The following PCNX2 variants were observed in gnomAD, a reference collection of about 807,000 sequenced individuals.
PCNX2 encodes the protein pecanex 2.
A neutral mutation model predicts 223.8 loss-of-function variants in PCNX2; 168 were observed. That is an observed-to-expected ratio of 0.75 (90% CI 0.66 to 0.85). The LOEUF (loss-of-function observed/expected upper bound fraction) is 0.85. Among genes scored for constraint, PCNX2 ranks in the 40% least tolerant of loss-of-function variants. PCNX2 has a pLI of 0.00. For synonymous variants in PCNX2, 1,006 were observed against 1,052.6 expected (o/e 0.96, Z 0.86); for missense variants, 2,507 against 2,675.5 (o/e 0.94, Z 1.39).
intron 1 of PCNX2, among the ~76,000 whole-genome samples, chr1:233,274,615 A>T: frequency 6.6e-6 from 1 of 152,214 alleles, no homozygotes; most frequent in Non-Finnish European, 1.5e-5. Flanking sequence ...GGTGTGCCTA[A>T]ATCAGACTGA....
chr1:233,311,258 AAAGAGCC>A, the PCNX2 span, among the ~76,000 whole-genome samples: 3 of 152,342 alleles, frequency 2.0e-5, no homozygotes, highest in South Asian at 6.2e-4. Flanking sequence ...ATAAAACCTA[AAAGAGCC>A]AACATTGCCT....
chr1:233,297,575 A>G (rs1052093514), upstream of PCNX2, among the ~76,000 whole-genome samples: 4 of 152,226 alleles, frequency 2.6e-5, no homozygotes, highest in African/African-American at 9.6e-5. Context: ...TGTAAGTGGG[A>G]ATAGTTCTCC....
chr1:233,262,854 C>A, intron 2 of PCNX2, 104 bp downstream of exon 2: 1 of 1,014,528 alleles, frequency 9.9e-7, no homozygotes, highest in Non-Finnish European at 1.5e-6. Flanking sequence ...GCATATATTT[C>A]TGTCTGCCTA....
chr1:233,014,808 A>T (rs1195249818), intron 27 of PCNX2, 31 bp from the exon 28 acceptor site: 1 of 1,551,532 alleles, frequency 6.4e-7, no homozygotes, highest in Non-Finnish European at 8.9e-7. Context: ...CTCAGCTTTC[A>T]CACAGATTCC....
At chr1:233,108,005 C>A (rs576007024) in intron 21 of PCNX2, among the ~76,000 whole-genome samples, 13 of 152,184 alleles carry the variant, frequency 8.5e-5, no homozygotes, top group African/African-American at 3.1e-4. Flanking sequence ...CTCCCACCAG[C>A]GCCGTGACAG....
the PCNX2 span, among the ~76,000 whole-genome samples, chr1:233,321,237 G>A: frequency 6.6e-6 from 1 of 151,782 alleles, no homozygotes; most frequent in Admixed American, 6.6e-5. Context: ...TAAAAATGGT[G>A]TTCCATTAAA....
chr1:233,047,901 G>T (rs1354465920), intron 25 of PCNX2, among the ~76,000 whole-genome samples: 1 of 151,996 alleles, frequency 6.6e-6, no homozygotes, highest in Non-Finnish European at 1.5e-5. Flanking sequence ...ATCAACCACA[G>T]AATATACATT....
intron 16 of PCNX2, 98 bp downstream of exon 16, chr1:233,178,968 G>T (rs929305396): frequency 4.0e-6 from 4 of 993,038 alleles, no homozygotes; most frequent in Non-Finnish European, 6.0e-6. Context: ...ATCACAATGG[G>T]CAGTGAATTG....
At chr1:233,291,344 T>A (rs116103656) in intron 1 of PCNX2, among the ~76,000 whole-genome samples, 2,951 of 152,256 alleles carry the variant, frequency 0.019, 42 homozygotes, top group Admixed American at 0.038. Context: ...GCATGGTGGC[T>A]CACGCCTGTA....
At chr1:233,112,963 C>T (rs1226186021) in intron 21 of PCNX2, 9 of 1,289,138 alleles carry the variant, frequency 7.0e-6, no homozygotes, top group Middle Eastern at 2.1e-4. Flanking sequence ...GTGTGGGTGC[C>T]GTCCTAGGGA....
At chr1:233,141,799 G>A (rs74230956) in intron 19 of PCNX2, among the ~76,000 whole-genome samples, 27,623 of 150,304 alleles carry the variant, frequency 0.18, 3,002 homozygotes, top group East Asian at 0.42. Context: ...GTGTGTGTGT[G>A]TATATGAAGA....
intron 1 of PCNX2, among the ~76,000 whole-genome samples, chr1:233,282,757 G>C (rs1661254184): frequency 6.6e-6 from 1 of 152,128 alleles, no homozygotes; most frequent in Non-Finnish European, 1.5e-5. Context: ...CCAGCACTCA[G>C]AGAAACCTTT....
At position 233,258,944 on chromosome 1, in the gene PCNX2, G is replaced by C. The variant is rs755112664; in HGVS notation, c.918C>G (p.Asp306Glu). 5.0e-6 allele frequency: 8 copies of C among 1,613,862 alleles called. No homozygotes were observed. The highest frequency in any genetic ancestry group is 6.8e-6 in the Non-Finnish European group (8 of 1,179,896). The change falls in exon 5 of 34, where the codon GAC becomes GAG. Residue 306 changes from aspartate (D) to glutamate (E), a missense_variant. Asp to Glu is a conservative substitution (Grantham distance 45). Transcript: ENST00000258229. ...ATTGAGGGCAGCTGCTGCTCAGGCT[G>C]TCCTGAGGTGACTTGCTTTGTACCC... The part of the protein sequence containing the change: ...RERVQSKSPQ[D>E]SLSSSCPQCD...
At chr1:233,235,616 G>GTTTT (rs1398225724) in intron 9 of PCNX2, among the ~76,000 whole-genome samples, 17 of 152,206 alleles carry the variant, frequency 1.1e-4, no homozygotes, top group African/African-American at 3.9e-4. Flanking sequence ...TTGTTTGTTT[G>GTTTT]TTTGAGACAG....
upstream of PCNX2, among the ~76,000 whole-genome samples, chr1:233,295,928 C>T (rs201104122): frequency 8.4e-5 from 11 of 130,996 alleles, no homozygotes; most frequent in Admixed American, 3.0e-4. This position sits in a 1 kb window ranked among gnomAD's most constrained non-coding sequence, Gnocchi z 4.1. Context: ...CCCTCTCTCT[C>T]TCTTTCTTCC....
chr1:233,088,447 A>T lies in PCNX2; in HGVS notation c.4076+1614T>A, dbSNP rs575542230. 2.1e-4 allele frequency among the ~76,000 whole-genome samples: 32 copies of T among 152,312 alleles called. No homozygotes were observed. In the South Asian group the frequency reaches 4.1e-3, roughly 20 times the overall value. The stretch of plus-strand genomic sequence containing the variant: ...AAGCATGACTTTCAGAGCTCCAAAA[A>T]GGTCCCCCAAATTATTTTCTCCTAA... On this transcript the variant is annotated intron_variant, in intron 23 of 33. Transcript: ENST00000258229.
At position 233,262,999 on chromosome 1, in the gene PCNX2, C is replaced by A; in HGVS notation, c.318G>T (p.Lys106Asn). The A allele has an allele frequency of 6.2e-7, 1 of 1,613,670 alleles. No homozygotes were observed. Among genetic ancestry groups the A allele is most frequent in the Non-Finnish European group, 8.5e-7 (1 of 1,179,782 alleles). ...TAGTTATGTGTTCACCTTTGGCCTC[C>A]TTGTCTTTATTTGGCTTTTCTTCCT... ...SRKEEKPNKDKEAKGEHITNH... is the reference protein window; with the variant it reads ...SRKEEKPNKDNEAKGEHITNH... The change falls in exon 2 of 34, where the codon AAG (lysine) becomes AAT (asparagine). Residue 106 changes from lysine (K) to asparagine (N), a missense_variant. Transcript: ENST00000258229.
In PCNX2 at chr1:233,139,102, T is replaced by C. The variant is rs1044684583; in HGVS notation, c.3659+612A>G. Reference sequence around the variant, plus strand: ...CAGCAACTTTTGCCTTTCATCAGAATGACAAATCTACAGATTATCAAGGAG... The same window carrying C: ...CAGCAACTTTTGCCTTTCATCAGAACGACAAATCTACAGATTATCAAGGAG... On this transcript the variant is annotated intron_variant, in intron 20 of 33. Coordinates refer to ENST00000258229, the MANE Select transcript of PCNX2 (RefSeq NM_014801.4). The surrounding 1 kb of genome is among the most constrained non-coding windows in gnomAD (Gnocchi z 4.4). Among the ~76,000 whole-genome samples the C allele has an allele frequency of 1.3e-5, 2 of 152,246 alleles. No individual in the cohort carries two copies. Among genetic ancestry groups the C allele is most frequent in the African/African-American group, 4.8e-5 (2 of 41,472 alleles).
chr1:233,123,514 G>A (rs1044654581), intron 21 of PCNX2, among the ~76,000 whole-genome samples: 5 of 152,134 alleles, frequency 3.3e-5, no homozygotes, highest in African/African-American at 7.2e-5. Flanking sequence ...CCCAGGAGGC[G>A]GATGTTGCAG....
Sources: allele counts gnomAD v4.1 joint callset (sites outside exome capture counted in the v4.1 genomes callset), GRCh38; gene constraint gnomAD v4.1.1; non-coding constraint Gnocchi (gnomAD v3.1); transcripts MANE v1.5; gene names NCBI Gene and HGNC (gene_info 2026-07-23, HGNC 2026-07-21).